The following PPP4R2 variants were observed in gnomAD, a reference collection of about 807,000 sequenced individuals.
PPP4R2 encodes the protein serine/threonine-protein phosphatase 4 regulatory subunit 2.
A neutral mutation model predicts 47.2 loss-of-function variants in PPP4R2; 13 were observed. The observed-to-expected ratio is 0.28, with a 90% CI of 0.18 to 0.44. The LOEUF is 0.44. Among genes scored for constraint, PPP4R2 ranks in the 20% least tolerant of loss-of-function variants. PPP4R2 has a pLI of 1.00. For synonymous variants in PPP4R2, 151 were observed against 163.3 expected (o/e 0.92, Z 0.57); for missense variants, 421 against 491.2 (o/e 0.86, Z 1.35).
intron 3 of PPP4R2, among the ~76,000 whole-genome samples, chr3:73,052,927 A>G (rs1483370631): frequency 6.6e-6 from 1 of 152,218 alleles, no homozygotes; most frequent in African/African-American, 2.4e-5. Flanking sequence ...TTTTAAAGTT[A>G]TATATGAGAC....
intron 2 of PPP4R2, among the ~76,000 whole-genome samples, chr3:73,021,157 A>G (rs1701951346): frequency 1.3e-5 from 2 of 152,114 alleles, no homozygotes; most frequent in African/African-American, 4.8e-5. Flanking sequence ...AAATGTTTTA[A>G]GTGAACTCAT....
intron 2 of PPP4R2, among the ~76,000 whole-genome samples, chr3:73,023,375 A>G (rs1701998848): frequency 6.6e-6 from 1 of 152,052 alleles, no homozygotes; most frequent in African/African-American, 2.4e-5. Flanking sequence ...TAGTAGAGAC[A>G]GGGTTTCTCC....
In PPP4R2 at chr3:73,039,408, C is replaced by T. The variant is rs143719574; in HGVS notation, c.117-7778C>T. Among the ~76,000 whole-genome samples, 1,009 of 152,332 alleles carry T rather than the reference C, an allele frequency of 6.6e-3. 21 individuals carry two copies. The highest frequency in any genetic ancestry group is 0.023 in the African/African-American group (955 of 41,562). ...AAAGTGCAGGGATTACAGGTGTGAG[C>T]CACCATGCCTGGCCAAAAACAATAC... On this transcript the variant is annotated intron_variant, in intron 2 of 8. Transcript: ENST00000356692.
At chr3:73,049,374 C>G (rs994591990) in intron 3 of PPP4R2, among the ~76,000 whole-genome samples, 1 of 151,896 alleles carries the variant, frequency 6.6e-6, no homozygotes. Context: ...TCGCGGACGC[C>G]CATAATCCCA....
intron 3 of PPP4R2, among the ~76,000 whole-genome samples, chr3:73,051,690 A>T (rs1702615906): frequency 6.6e-6 from 1 of 152,134 alleles, no homozygotes; most frequent in African/African-American, 2.4e-5. Context: ...CAATGGCTCA[A>T]TCTCAGCTCA....
chr3:73,023,888 A>C (rs1702008230), intron 2 of PPP4R2, among the ~76,000 whole-genome samples: 1 of 152,196 alleles, frequency 6.6e-6, no homozygotes, highest in Non-Finnish European at 1.5e-5. Flanking sequence ...GCCAGAAGCC[A>C]CTTAAAAGAA....
intron 2 of PPP4R2, among the ~76,000 whole-genome samples, chr3:73,016,915 C>T (rs1291305263): frequency 6.6e-6 from 1 of 150,402 alleles, no homozygotes; most frequent in Non-Finnish European, 1.5e-5. Context: ...AAACCTCCAC[C>T]TCCCGGGTTC....
intron 2 of PPP4R2, among the ~76,000 whole-genome samples, chr3:73,026,318 A>G (rs1024480985): frequency 6.6e-6 from 1 of 151,978 alleles, no homozygotes; most frequent in Non-Finnish European, 1.5e-5. Context: ...CAAAGACCTT[A>G]CTTTTCCTTT....
chr3:72,997,214 C>T (rs187828872), intron 1 of PPP4R2, 143 bp downstream of exon 1: 2 of 559,818 alleles, frequency 3.6e-6, no homozygotes, highest in Non-Finnish European at 2.8e-6. Flanking sequence ...CTCCACCTCC[C>T]CAGGGGCGGG....
chr3:73,059,880 A>G (rs964759313), intron 4 of PPP4R2, among the ~76,000 whole-genome samples: 60 of 150,460 alleles, frequency 4.0e-4, no homozygotes, highest in African/African-American at 1.5e-3. Flanking sequence ...GGTTGCAGAG[A>G]GCTGAGATGG....
intron 2 of PPP4R2, among the ~76,000 whole-genome samples, chr3:73,031,314 T>G (rs907988439): frequency 2.0e-5 from 3 of 152,024 alleles, no homozygotes; most frequent in African/African-American, 2.4e-5. Context: ...CCAAGGCAGG[T>G]GGATCACCTG....
intron 2 of PPP4R2, among the ~76,000 whole-genome samples, chr3:73,021,149 A>C (rs544345151): frequency 1.3e-5 from 2 of 152,112 alleles, no homozygotes; most frequent in African/African-American, 2.4e-5. Flanking sequence ...TGTGTAGTAA[A>C]TGTTTTAAGT....
rs7630864 is a variant in PPP4R2, at chr3:73,028,680, C to T, written c.117-18506C>T. ...GGTTTGATCTCCTGACCTCGTGATCCGCCCGCCTAGGCCTCCCAAAGTGCT... is the reference window on the plus strand; with the variant it reads ...GGTTTGATCTCCTGACCTCGTGATCTGCCCGCCTAGGCCTCCCAAAGTGCT... On this transcript the variant is annotated intron_variant, in intron 2 of 8. Coordinates refer to ENST00000356692, the MANE Select transcript of PPP4R2 (RefSeq NM_174907.4). Among the ~76,000 whole-genome samples, 789 of 151,986 alleles carry T rather than the reference C, an allele frequency of 5.2e-3. 7 individuals are homozygous for T. Among genetic ancestry groups the T allele is most frequent in the African/African-American group, 0.018 (757 of 41,450 alleles).
rs750947820 is a variant in PPP4R2, at chr3:73,067,984, G to C, written c.*2262G>C. 13 of 152,122 alleles carry C rather than the reference G, an allele frequency of 8.5e-5. No homozygotes were observed. The highest frequency in any genetic ancestry group is 1.3e-4 in the Non-Finnish European group (9 of 68,010). 9.4% of individuals were successfully genotyped at this position (152,122 alleles called of 1,614,324 possible). On this transcript the variant is annotated 3_prime_UTR_variant, in exon 9 of 9. Transcript: ENST00000356692. ...GATCAAACTTGTTGCTGTTTATACA[G>C]ATAATTGTAGAATGCTCATGGAATA...
At chr3:73,025,787 G>C (rs888944769) in intron 2 of PPP4R2, among the ~76,000 whole-genome samples, 1 of 152,202 alleles carries the variant, frequency 6.6e-6, no homozygotes, top group African/African-American at 2.4e-5. Context: ...TTTGAGCAGA[G>C]AAAAGATAAA....
At chr3:73,037,250 T>A (rs909126357) in intron 2 of PPP4R2, among the ~76,000 whole-genome samples, 12 of 152,210 alleles carry the variant, frequency 7.9e-5, no homozygotes, top group African/African-American at 2.7e-4. Flanking sequence ...ATGAGTATAT[T>A]TTTTTAAATG....
At chr3:72,997,177 G>A in intron 1 of PPP4R2, 106 bp downstream of exon 1, 1 of 914,716 alleles carries the variant, frequency 1.1e-6, no homozygotes, top group Non-Finnish European at 1.5e-6. Context: ...GCGGCGTGGG[G>A]AGAGTGCTTC....
At chr3:73,018,705 G>C (rs1005368740) in intron 2 of PPP4R2, among the ~76,000 whole-genome samples, 3 of 152,152 alleles carry the variant, frequency 2.0e-5, no homozygotes, top group Middle Eastern at 3.4e-3. Context: ...GTGTTCTACT[G>C]TGCTGGTGTT....
At chr3:73,013,156 A>G (rs1021526329) in intron 2 of PPP4R2, among the ~76,000 whole-genome samples, 1 of 152,174 alleles carries the variant, frequency 6.6e-6, no homozygotes, top group Non-Finnish European at 1.5e-5. Context: ...TGCTTTTGGT[A>G]GGATATGGCT....
Sources: allele counts gnomAD v4.1 joint callset (sites outside exome capture counted in the v4.1 genomes callset), GRCh38; gene constraint gnomAD v4.1.1; transcripts MANE v1.5; gene names NCBI Gene and HGNC (gene_info 2026-07-23, HGNC 2026-07-21).